The following PLB1 variants were observed in gnomAD, a reference collection of about 807,000 sequenced individuals.
The protein encoded by PLB1 is phospholipase B1, membrane-associated.
Under a neutral mutation model 227.4 loss-of-function variants are expected in PLB1, and 242 were observed. The observed-to-expected ratio is 1.06, with a 90% CI of 0.96 to 1.18. PLB1 has a LOEUF of 1.18. Ranked by LOEUF, PLB1 falls within the 50% of genes most tolerant of loss-of-function variation. PLB1 has a pLI of 0.00. For synonymous variants in PLB1, 757 were observed against 682.2 expected (o/e 1.11, Z -1.71); for missense variants, 1,858 against 1,816.3 (o/e 1.02, Z -0.42).
At position 28,593,770 on chromosome 2, in the gene PLB1, G is replaced by A; in HGVS notation, c.2321+16G>A. 3 of 1,608,878 alleles carry A rather than the reference G, an allele frequency of 1.9e-6. No individual in the cohort carries two copies. Among genetic ancestry groups the A allele is most frequent in the Non-Finnish European group, 1.7e-6 (2 of 1,175,678 alleles). On this transcript the variant is annotated intron_variant, in intron 33 of 57. Coordinates refer to ENST00000327757, the MANE Select transcript of PLB1 (RefSeq NM_153021.5). Reference sequence around the variant, plus strand: ...TGTCATACAGGTAATGTTAACCTTTGACCTCTCCCAGCGTTCCCCCCACAA... The same window carrying A: ...TGTCATACAGGTAATGTTAACCTTTAACCTCTCCCAGCGTTCCCCCCACAA...
In PLB1 at chr2:28,629,250, A is replaced by C. The variant is rs1029231226; in HGVS notation, c.3818+65A>C. ...GGGTGAGGAGGGCTTGCAGGTGCCA[A>C]AGGAGGAGACCAGTTGAGGCAGAGC... On this transcript the variant is annotated intron_variant, in intron 53 of 57. Coordinates refer to ENST00000327757, the MANE Select transcript of PLB1 (RefSeq NM_153021.5). 15 of 1,486,284 alleles carry C rather than the reference A, an allele frequency of 1.0e-5. No individual in the cohort carries two copies. In the Admixed American group the frequency reaches 2.5e-4, roughly 25 times the overall value. 92.1% of individuals were successfully genotyped at this position (1,486,284 alleles called of 1,614,324 possible). A position where few individuals can be genotyped will look rare whatever the true frequency, so the allele number is the denominator to read the frequency against.
intron 33 of PLB1, among the ~76,000 whole-genome samples, chr2:28,596,512 A>G (rs574779775): frequency 1.3e-5 from 2 of 152,336 alleles, no homozygotes; most frequent in Non-Finnish European, 2.9e-5. Flanking sequence ...TTGTGTGTCT[A>G]TGTTTATATC....
chr2:28,604,683 G>A lies in PLB1; in HGVS notation c.2885G>A (p.Gly962Asp). The A allele has an allele frequency of 6.2e-7, 1 of 1,614,114 alleles. No individual in the cohort carries two copies. ...AGCATGCGCGAGCTGGTGGGGTCAG[G>A]CCGCTATGACACGCAGGAGGACTTC... ...RSSMRELVGSGRYDTQEDFSV... is the reference protein window; with the variant it reads ...RSSMRELVGSDRYDTQEDFSV... Residue 962 changes from glycine (G) to aspartate (D), a missense_variant, in exon 41 of 58, where the codon GGC (glycine) becomes GAC (aspartate). Physicochemically the swap from Gly to Asp is moderately conservative, Grantham distance 94 (BLOSUM62 -1). Coordinates refer to ENST00000327757, the MANE Select transcript of PLB1 (RefSeq NM_153021.5).
At chr2:28,635,105 C>G (rs1414811925) in intron 56 of PLB1, among the ~76,000 whole-genome samples, 1 of 152,064 alleles carries the variant, frequency 6.6e-6, no homozygotes, top group Non-Finnish European at 1.5e-5. Context: ...CCATGGTTCC[C>G]CAGCCATTAT....
intron 32 of PLB1, 101 bp from the exon 33 acceptor site, chr2:28,593,580 C>G (rs958648467): frequency 1.1e-6 from 1 of 932,200 alleles, no homozygotes; most frequent in Non-Finnish European, 1.7e-6. Flanking sequence ...CCTGCCACCA[C>G]GAGTGCATTG....
intron 43 of PLB1, among the ~76,000 whole-genome samples, chr2:28,612,887 G>T (rs780116201): frequency 2.6e-5 from 4 of 151,144 alleles, no homozygotes; most frequent in African/African-American, 4.9e-5. Context: ...CAAAGTGCTG[G>T]GGTTACAGGT....
chr2:28,598,503 C>G, intron 34 of PLB1, 149 bp from the exon 35 acceptor site: 1 of 657,956 alleles, frequency 1.5e-6, no homozygotes, highest in Non-Finnish European at 2.7e-6. Context: ...CAGCTTATGT[C>G]CAGGACACAC....
In PLB1 at chr2:28,606,485, TC is replaced by T; in HGVS notation, c.3058-8del. 1 of 1,613,420 alleles carries T rather than the reference TC, an allele frequency of 6.2e-7. No individual in the cohort carries two copies. The highest frequency in any genetic ancestry group is 8.5e-7 in the Non-Finnish European group (1 of 1,179,338). ...TACTACACCCGTGTCTCTCTTTTCTTCCCTGATCAGCTTGAACCACTTGGAA... is the reference window on the plus strand; with the variant it reads ...TACTACACCCGTGTCTCTCTTTTCTTCCTGATCAGCTTGAACCACTTGGAA... On this transcript the variant is annotated splice_polypyrimidine_tract_variant and intron_variant, in intron 42 of 57. Coordinates refer to ENST00000327757, the MANE Select transcript of PLB1 (RefSeq NM_153021.5).
At chr2:28,550,525 ATTT>A (rs34468949) in intron 16 of PLB1, among the ~76,000 whole-genome samples, 28 of 132,190 alleles carry the variant, frequency 2.1e-4, no homozygotes, top group Admixed American at 3.8e-4. Flanking sequence ...CCTCAATACA[ATTT>A]TTTTTTTTTT....
intron 29 of PLB1, 64 bp from the exon 30 acceptor site, chr2:28,591,069 G>A: frequency 6.3e-7 from 1 of 1,597,552 alleles, no homozygotes; most frequent in Non-Finnish European, 8.6e-7. Flanking sequence ...ACACTTAACT[G>A]AGTGCTGACA....
Position 28,541,687 on chromosome 2 carries a change from C to T in PLB1, c.775-20C>T, listed in dbSNP as rs187141782. ...CTCGCTCATGTTCCTGGATGGGCAC[C>T]TCTCTGCTCCCTTCTCCAGGAAGCC... On this transcript the variant is annotated intron_variant, in intron 12 of 57. Transcript: ENST00000327757. 2.8e-5 allele frequency: 45 copies of T among 1,601,094 alleles called. No homozygotes were observed. The East Asian group carries it at 9.4e-4, about 33-fold the overall frequency.
chr2:28,622,887 C>A (rs112360451), intron 49 of PLB1, among the ~76,000 whole-genome samples: 1 of 151,964 alleles, frequency 6.6e-6, no homozygotes, highest in Non-Finnish European at 1.5e-5. Flanking sequence ...TCTCCATCTC[C>A]AAAAATAATA....
chr2:28,538,435 A>T, intron 10 of PLB1, 54 bp downstream of exon 10: 3 of 1,530,942 alleles, frequency 2.0e-6, no homozygotes, highest in Non-Finnish European at 1.8e-6. Context: ...ATTTACCCTC[A>T]TGTGGCCTCC....
chr2:28,602,836 G>A lies in PLB1; in HGVS notation c.2689G>A (p.Val897Ile). The A allele has an allele frequency of 6.2e-7, 1 of 1,614,116 alleles. No homozygotes were observed. The highest frequency in any genetic ancestry group is 1.1e-5 in the South Asian group (1 of 91,084). ...VLHREVPRVL[V>I]NLVDFLNPTI... ...TTTCCCTTAGGTGCCCAGAGTCCTG[G>A]TCAACCTCGTGGACTTCCTGAACCC... is the stretch of plus-strand genomic sequence containing the variant. The change falls in exon 39 of 58, where the codon GTC becomes ATC. Residue 897 changes from valine to isoleucine, a missense_variant. Transcript: ENST00000327757.
At chr2:28,524,466 C>A (rs1162130477) in intron 4 of PLB1, among the ~76,000 whole-genome samples, 1 of 152,114 alleles carries the variant, frequency 6.6e-6, no homozygotes, top group African/African-American at 2.4e-5. Flanking sequence ...AGGGGGAAAT[C>A]GGAAACTTAC....
At chr2:28,550,783 A>G in intron 16 of PLB1, among the ~76,000 whole-genome samples, 1 of 151,206 alleles carries the variant, frequency 6.6e-6, no homozygotes, top group African/African-American at 2.4e-5. Flanking sequence ...CTCATGGTCC[A>G]CCCAACTCAG....
intron 4 of PLB1, among the ~76,000 whole-genome samples, chr2:28,522,304 A>C (rs763743745): frequency 1.6e-4 from 25 of 152,060 alleles, no homozygotes; most frequent in Non-Finnish European, 4.4e-5. Context: ...AACCAACTGT[A>C]GGCCCACTGA....
chr2:28,530,273 C>T (rs1670847871), intron 8 of PLB1, among the ~76,000 whole-genome samples: 1 of 152,144 alleles, frequency 6.6e-6, no homozygotes, highest in Non-Finnish European at 1.5e-5. Context: ...CCAGGTGAGA[C>T]TGGTTTGAGT....
intron 25 of PLB1, among the ~76,000 whole-genome samples, chr2:28,584,551 T>G (rs962992895): frequency 6.6e-6 from 1 of 152,182 alleles, no homozygotes; most frequent in Non-Finnish European, 1.5e-5. Context: ...TTTAGACCAT[T>G]CAAACTCAAG....
Sources: gnomAD v4.1 joint callset for allele counts (sites outside exome capture counted in the v4.1 genomes callset) on GRCh38, gnomAD v4.1.1 for gene constraint, MANE v1.5 for transcripts, NCBI Gene and HGNC (gene_info 2026-07-23, HGNC 2026-07-21) for gene names.